Variants in USP8 observed in about 807,000 individuals in gnomAD.
USP8 encodes the protein ubiquitin carboxyl-terminal hydrolase 8.
Under a neutral mutation model 130.0 loss-of-function variants are expected in USP8, and 27 were observed. The ratio of observed to expected loss-of-function variants is 0.21; its 90% CI spans 0.15 to 0.29. The LOEUF (loss-of-function observed/expected upper bound fraction) is 0.29, where lower values mean the gene tolerates loss of function less well. Ranked by LOEUF, USP8 falls within the 10% of genes least tolerant of loss-of-function variation. The pLI is 1.00. For synonymous variants in USP8, 392 were observed against 444.1 expected (o/e 0.88, Z 1.48); for missense variants, 1,029 against 1,312.2 (o/e 0.78, Z 3.33).
At position 50,499,792 on chromosome 15, in the gene USP8, G is replaced by GTGT. The variant is rs2052546515; in HGVS notation, c.*706_*708dup. The GTGT allele has an allele frequency of 6.6e-6, 1 of 151,966 alleles. No individual in the cohort carries two copies. The highest frequency in any genetic ancestry group is 2.1e-4 in the South Asian group (1 of 4,818). 9.4% of individuals were successfully genotyped at this position (151,966 alleles called of 1,614,324 possible). A position where few individuals can be genotyped will look rare whatever the true frequency, so the allele number is the denominator to read the frequency against. ...AGAAAAATAATTTATAACCCTGTGG[G>GTGT]TGTTCTGTCTTTAATATTGTATTAT... is the stretch of plus-strand genomic sequence containing the variant. On this transcript the variant is annotated 3_prime_UTR_variant, in exon 20 of 20. Transcript: ENST00000307179.
At chr15:50,479,027 C>T (rs1188699159) in intron 10 of USP8, among the ~76,000 whole-genome samples, 4 of 151,918 alleles carry the variant, frequency 2.6e-5, no homozygotes, top group African/African-American at 9.7e-5. Flanking sequence ...GCACTCCAGC[C>T]TGGGTGAGAG....
At chr15:50,463,436 C>G (rs2051079948) in intron 6 of USP8, 2 of 152,258 alleles carry the variant, frequency 1.3e-5, no homozygotes, top group East Asian at 1.9e-4. Flanking sequence ...AGGGTCAGGC[C>G]TGGTTAGTAC....
Position 50,470,602 on chromosome 15 carries a change from C to CTT in USP8, c.687-1014_687-1013dup, listed in dbSNP as rs869062114. 3.4e-4 allele frequency among the ~76,000 whole-genome samples: 45 copies of CTT among 132,380 alleles called. No individual in the cohort carries two copies. In the East Asian group the frequency reaches 5.6e-3, roughly 16 times the overall value. 86.8% of individuals were successfully genotyped at this position (132,380 alleles called of 152,430 possible). ...TGGCAGGCCATTGTGAGGACTTTAG[C>CTT]TTTTTTTTTTTTTTTTTTGAGACAG... On this transcript the variant is annotated intron_variant, in intron 7 of 19. Transcript: ENST00000307179.
chr15:50,506,087 G>GCATAA lies in USP8; in HGVS notation c.*6999_*7000insCATAA. The GCATAA allele has an allele frequency of 6.6e-6, 1 of 152,274 alleles. No homozygotes were observed. Among genetic ancestry groups the GCATAA allele is most frequent in the African/African-American group, 2.4e-5 (1 of 41,538 alleles). The allele number at this position is 152,274 out of a possible 1,614,324, so 9.4% of individuals were successfully genotyped here. ...TTAGGCTTTAAGTATGAAAGCTGTC[G>GCATAA]TTTTTTAGCATAATTACTAAAGAAT... is the stretch of plus-strand genomic sequence containing the variant. On this transcript the variant is annotated 3_prime_UTR_variant, in exon 20 of 20. Coordinates refer to ENST00000307179, the MANE Select transcript of USP8 (RefSeq NM_005154.5).
chr15:50,424,699 T>A, intron 1 of USP8, 185 bp downstream of exon 1: 1 of 392,294 alleles, frequency 2.5e-6, no homozygotes, highest in East Asian at 3.6e-5. Flanking sequence ...TTGAGTCTTT[T>A]ACGCCATCTA....
chr15:50,464,925 T>G (rs2051133682), intron 6 of USP8, 122 bp from the exon 7 acceptor site: 2 of 957,394 alleles, frequency 2.1e-6, no homozygotes, highest in Admixed American at 5.8e-5. Flanking sequence ...AGTAAATATG[T>G]GGCATCCATA....
chr15:50,481,811 A>G lies in USP8; in HGVS notation c.1549A>G (p.Lys517Glu). 1.3e-6 allele frequency: 2 copies of G among 1,527,346 alleles called. No homozygotes were observed. The highest frequency in any genetic ancestry group is 1.7e-6 in the Non-Finnish European group (2 of 1,143,264). 94.6% of individuals were successfully genotyped at this position (1,527,346 alleles called of 1,614,324 possible). A position where few individuals can be genotyped will look rare whatever the true frequency, so the allele number is the denominator to read the frequency against. The stretch of plus-strand genomic sequence containing the variant: ...AGCTGAAGAAAATGAAATTACAGAG[A>G]AGCAACAAAAAGCAAAAGAAGAAAT... Reference protein sequence around the residue: ...QEAEENEITEKQQKAKEEMEK... With the variant: ...QEAEENEITEEQQKAKEEMEK... Residue 517 changes from lysine to glutamate, a missense_variant, in exon 11 of 20, where the codon AAG (lysine) becomes GAG (glutamate). By Grantham distance (56) the Lys-to-Glu change is moderately conservative (BLOSUM62 1). Transcript: ENST00000307179.
chr15:50,462,250 T>C (rs752213655), intron 5 of USP8, 30 bp from the exon 6 acceptor site: 1 of 1,584,236 alleles, frequency 6.3e-7, no homozygotes, highest in Admixed American at 1.9e-5. Flanking sequence ...TCTATGAAAG[T>C]TGAAACTTTT....
In USP8 at chr15:50,506,222, C is replaced by T. The variant is rs73405137; in HGVS notation, c.*7134C>T. 2 of 152,452 alleles carry T rather than the reference C, an allele frequency of 1.3e-5. No homozygotes were observed. Among genetic ancestry groups the T allele is most frequent in the Non-Finnish European group, 2.9e-5 (2 of 68,244 alleles). 9.4% of individuals were successfully genotyped at this position (152,452 alleles called of 1,614,324 possible). On this transcript the variant is annotated 3_prime_UTR_variant, in exon 20 of 20. Coordinates refer to ENST00000307179, the MANE Select transcript of USP8 (RefSeq NM_005154.5). ...AACACAGCAGAGGTCCCCAACCCCCCCAGGCTGCCTGTCCCTGACCTGTTC... is the reference window on the plus strand; with the variant it reads ...AACACAGCAGAGGTCCCCAACCCCCTCAGGCTGCCTGTCCCTGACCTGTTC...
At chr15:50,432,451 C>T (rs1201718211) in intron 1 of USP8, 4 of 152,220 alleles carry the variant, frequency 2.6e-5, no homozygotes, top group Non-Finnish European at 5.9e-5. Context: ...CACGCCCAGT[C>T]AGTGCACTGC....
intron 1 of USP8, among the ~76,000 whole-genome samples, chr15:50,436,478 T>G (rs2050095405): frequency 6.6e-6 from 1 of 152,180 alleles, no homozygotes; most frequent in South Asian, 2.1e-4. Flanking sequence ...TCTTCCACAT[T>G]AGTTTTTTAA....
chr15:50,443,479 T>G (rs367835793), intron 3 of USP8, among the ~76,000 whole-genome samples: 1 of 151,918 alleles, frequency 6.6e-6, no homozygotes, highest in African/African-American at 2.4e-5. Flanking sequence ...GTTACTAGGT[T>G]TTTTTTGTTT....
Position 50,424,502 on chromosome 15 carries a change from G to A in USP8, c.-78G>A, listed in dbSNP as rs1378413785. The A allele has an allele frequency of 5.0e-6, 2 of 398,576 alleles. No homozygotes were observed. Among genetic ancestry groups the A allele is most frequent in the Non-Finnish European group, 8.8e-6 (2 of 226,102 alleles). The allele number at this position is 398,576 out of a possible 1,614,324, so 24.7% of individuals were successfully genotyped here. On this transcript the variant is annotated 5_prime_UTR_variant, in exon 1 of 20. Transcript: ENST00000307179. ...GAGAAGGCTGGCGTTAGTGAAGCGC[G>A]CCCGGCGTCACGGTGAGTGCGGGTC...
chr15:50,495,242 ATACGTG>A (rs1323410292), intron 16 of USP8, among the ~76,000 whole-genome samples: 6 of 58,182 alleles, frequency 1.0e-4, no homozygotes, highest in African/African-American at 2.4e-4. Context: ...GTATATATAT[ATACGTG>A]TATATATACA....
chr15:50,483,510 A>G (rs2051845574), intron 11 of USP8, among the ~76,000 whole-genome samples: 1 of 152,246 alleles, frequency 6.6e-6, no homozygotes, highest in African/African-American at 2.4e-5. Context: ...AAAAGAATCT[A>G]CGGGCCGGGC....
chr15:50,433,012 C>A (rs77610324), intron 1 of USP8, among the ~76,000 whole-genome samples: 22,931 of 152,186 alleles, frequency 0.15, 2,123 homozygotes, highest in Middle Eastern at 0.28. Flanking sequence ...GAGGCCGAGG[C>A]GGGCGGATCA....
intron 6 of USP8, among the ~76,000 whole-genome samples, chr15:50,462,658 C>T (rs2051048182): frequency 6.6e-6 from 1 of 152,174 alleles, no homozygotes; most frequent in Non-Finnish European, 1.5e-5. Context: ...AGAAGTCAAA[C>T]TGCCGGAGTT....
intron 4 of USP8, among the ~76,000 whole-genome samples, chr15:50,451,890 T>C (rs2050639206): frequency 6.6e-6 from 1 of 152,244 alleles, no homozygotes; most frequent in African/African-American, 2.4e-5. Flanking sequence ...GAATAGATTA[T>C]AACTTTAAAG....
chr15:50,498,874 G>T, intron 19 of USP8, 29 bp from the exon 20 acceptor site: 3 of 1,564,466 alleles, frequency 1.9e-6, no homozygotes, highest in Middle Eastern at 3.4e-4. Context: ...TAACTGAATT[G>T]ATTTTTTTTT....
Sources: gnomAD v4.1 joint callset for allele counts (sites outside exome capture counted in the v4.1 genomes callset) on GRCh38, gnomAD v4.1.1 for gene constraint, MANE v1.5 for transcripts, NCBI Gene and HGNC (gene_info 2026-07-23, HGNC 2026-07-21) for gene names.